WDFY4: variants seen among roughly 807,000 people sequenced by gnomAD.
WDFY4 encodes WDFY family member 4.
Under a neutral mutation model 351.9 loss-of-function variants are expected in WDFY4, and 169 were observed. The ratio of observed to expected loss-of-function variants is 0.48; its 90% CI spans 0.42 to 0.55. The LOEUF (loss-of-function observed/expected upper bound fraction) is 0.55, where lower values mean the gene tolerates loss of function less well. WDFY4 is among the 20% of genes least tolerant of loss of function. The pLI is 0.00. For synonymous variants in WDFY4, 1,622 were observed against 1,574.6 expected (o/e 1.03, Z -0.71); for missense variants, 3,803 against 3,935.6 (o/e 0.97, Z 0.90).
At chr10:48,827,916 A>G (rs12247830) in intron 36 of WDFY4, among the ~76,000 whole-genome samples, 29,717 of 151,478 alleles carry the variant, frequency 0.2, 3,985 homozygotes, top group African/African-American at 0.38. Flanking sequence ...TCCTGTTTCA[A>G]GAGTTAGGCC....
intron 1 of WDFY4, among the ~76,000 whole-genome samples, chr10:48,703,531 G>T (rs537402717): frequency 8.5e-4 from 130 of 152,224 alleles, no homozygotes; most frequent in Non-Finnish European, 1.4e-3. Context: ...TTGTCTGCAG[G>T]CCCCAGCTTT....
At chr10:48,868,950 T>G (rs2069656050) in intron 40 of WDFY4, among the ~76,000 whole-genome samples, 3 of 152,214 alleles carry the variant, frequency 2.0e-5, no homozygotes, top group African/African-American at 2.4e-5. Context: ...CTGTCTCATC[T>G]TCAGCAGCAG....
chr10:48,913,389 C>T lies in WDFY4; in HGVS notation c.7586+11526C>T, dbSNP rs762435973. The T allele has an allele frequency of 3.1e-6, 5 of 1,608,432 alleles. No homozygotes were observed. In the South Asian group the frequency reaches 5.5e-5, roughly 18 times the overall value. ...TCTGCCTCAGGGTCAGGTTCCAAGTCACCTCCAGTCTTCCCAGGAGTCCTT... is the reference window on the plus strand; with the variant it reads ...TCTGCCTCAGGGTCAGGTTCCAAGTTACCTCCAGTCTTCCCAGGAGTCCTT... On this transcript the variant is annotated intron_variant, in intron 47 of 61. Transcript: ENST00000325239.
chr10:48,961,010 T>C (rs1841836068), intron 53 of WDFY4, among the ~76,000 whole-genome samples: 1 of 152,242 alleles, frequency 6.6e-6, no homozygotes, highest in Non-Finnish European at 1.5e-5. Flanking sequence ...GATGGTTACA[T>C]GACTGAATGA....
intron 47 of WDFY4, chr10:48,913,808 C>G (rs755602650): frequency 1.2e-6 from 2 of 1,614,094 alleles, no homozygotes; most frequent in South Asian, 1.1e-5. Context: ...GTTGCTTCAG[C>G]TCCACGGGCA....
chr10:48,691,968 C>G (rs781585799), intron 1 of WDFY4, among the ~76,000 whole-genome samples: 1 of 152,156 alleles, frequency 6.6e-6, no homozygotes, highest in Admixed American at 6.5e-5. Context: ...GCTGTTTGTT[C>G]CCAGAGTCTC....
intron 51 of WDFY4, 134 bp downstream of exon 51, chr10:48,947,103 T>A: frequency 1.3e-6 from 1 of 745,836 alleles, no homozygotes; most frequent in African/African-American, 1.8e-5. Context: ...AGCCAGTGAT[T>A]CCCAGTTGAC....
At chr10:48,845,182 G>A (rs986472126) in intron 39 of WDFY4, among the ~76,000 whole-genome samples, 1 of 152,208 alleles carries the variant, frequency 6.6e-6, no homozygotes, top group Admixed American at 6.5e-5. Context: ...CGGCCACCAA[G>A]CATCATTCCA....
At chr10:48,730,181 T>A (rs1252162641) in intron 8 of WDFY4, among the ~76,000 whole-genome samples, 3 of 152,158 alleles carry the variant, frequency 2.0e-5, no homozygotes, top group Admixed American at 2.0e-4. Context: ...AGGCTAAGTG[T>A]GGGTTGTCTA....
At chr10:48,871,084 C>T (rs1472375858) in intron 40 of WDFY4, among the ~76,000 whole-genome samples, 1 of 152,138 alleles carries the variant, frequency 6.6e-6, no homozygotes, top group African/African-American at 2.4e-5. Flanking sequence ...CAGGCACCTG[C>T]CACCACGCCT....
intron 1 of WDFY4, among the ~76,000 whole-genome samples, chr10:48,706,839 T>G (rs999308745): frequency 6.6e-6 from 1 of 152,226 alleles, no homozygotes; most frequent in Non-Finnish European, 1.5e-5. Context: ...ATCACTTAAG[T>G]GCCTAAGTGT....
chr10:48,947,352 T>C (rs893937365), intron 51 of WDFY4, among the ~76,000 whole-genome samples: 4 of 152,032 alleles, frequency 2.6e-5, no homozygotes, highest in Non-Finnish European at 5.9e-5. Flanking sequence ...ATGAAAAGAA[T>C]ATGACTCAAG....
At chr10:48,890,528 C>T (rs1184719711) in intron 43 of WDFY4, 51 bp from the exon 44 acceptor site, 3 of 1,549,590 alleles carry the variant, frequency 1.9e-6, no homozygotes, top group East Asian at 4.9e-5. Context: ...CCCCAAGAAT[C>T]ATGGGCATGC....
At chr10:48,742,836 A>T (rs2064894194) in intron 11 of WDFY4, 132 bp from the exon 12 acceptor site, 3 of 810,386 alleles carry the variant, frequency 3.7e-6, no homozygotes, top group African/African-American at 3.5e-5. Flanking sequence ...TTTCAGAGTG[A>T]TCCTTCCTGT....
chr10:48,891,315 C>A (rs983519785), intron 44 of WDFY4, among the ~76,000 whole-genome samples: 6 of 152,210 alleles, frequency 3.9e-5, no homozygotes, highest in Non-Finnish European at 8.8e-5. Context: ...CAAGCAAATA[C>A]AAGAGACCTT....
chr10:48,966,987 A>C, intron 55 of WDFY4: 1 of 353,514 alleles, frequency 2.8e-6, no homozygotes, highest in South Asian at 4.6e-5. Flanking sequence ...CCTCTCTTTT[A>C]TACATGCACA....
At chr10:48,730,997 G>A (rs1432010533) in intron 8 of WDFY4, 113 bp from the exon 9 acceptor site, 2 of 1,181,268 alleles carry the variant, frequency 1.7e-6, no homozygotes, top group Non-Finnish European at 2.3e-6. Flanking sequence ...TGTGCCCATA[G>A]GAGTTAGAAC....
chr10:48,769,791 A>G (rs1030597395), intron 13 of WDFY4, among the ~76,000 whole-genome samples: 6 of 152,250 alleles, frequency 3.9e-5, no homozygotes, highest in African/African-American at 7.2e-5. Context: ...AGAGCGATAC[A>G]TAAGAATGAA....
At position 48,811,659 on chromosome 10, in the gene WDFY4, C is replaced by G; in HGVS notation, c.5165C>G (p.Ser1722Cys). Residue 1722 changes from serine to cysteine, a missense_variant, in exon 30 of 62, where the codon TCC (serine) becomes TGC (cysteine). Ser to Cys is a moderately radical substitution (Grantham distance 112, BLOSUM62 -1). Around this residue, in one of 3 missense-constraint regions of WDFY4, gnomAD observed 3,054 missense variants for 3,148.6 expected, o/e 0.97. Coordinates refer to ENST00000325239, the MANE Select transcript of WDFY4 (RefSeq NM_001394531.1). ...VHIPEVYLIV[S>C]TFFLQTPLTE... ...ATTCCAGAGGTCTACCTCATCGTCT[C>G]CACCTTCTTCCTGCAGACACCACTC... 6.4e-7 allele frequency: 1 copy of G among 1,551,840 alleles called. No homozygotes were observed. The highest frequency in any genetic ancestry group is 8.7e-7 in the Non-Finnish European group (1 of 1,147,030).
Sources: gnomAD v4.1 joint callset for allele counts (sites outside exome capture counted in the v4.1 genomes callset) on GRCh38, gnomAD v4.1.1 for gene constraint, gnomAD v4.1.1 regional missense constraint, MANE v1.5 for transcripts, NCBI Gene and HGNC (gene_info 2026-07-23, HGNC 2026-07-21) for gene names.